The following MAST4 variants were observed in gnomAD, a reference collection of about 807,000 sequenced individuals.
The protein encoded by MAST4 is microtubule-associated serine/threonine-protein kinase 4.
Under a neutral mutation model 162.7 loss-of-function variants are expected in MAST4, and 89 were observed. That is an observed-to-expected ratio of 0.55 (90% CI 0.46 to 0.65). The LOEUF (loss-of-function observed/expected upper bound fraction) is 0.65. MAST4 is among the 30% of genes least tolerant of loss of function. MAST4 has a pLI of 0.00. For synonymous variants in MAST4, 1,479 were observed against 1,361.1 expected (o/e 1.09, Z -1.91); for missense variants, 3,153 against 3,374.0 (o/e 0.93, Z 1.62).
chr5:66,779,352 A>C (rs1754746011), intron 2 of MAST4, among the ~76,000 whole-genome samples: 1 of 135,650 alleles, frequency 7.4e-6, no homozygotes, highest in South Asian at 2.3e-4. Flanking sequence ...TAGAGTCACG[A>C]CTCTGCTTTG....
At chr5:66,821,478 A>G (rs1209054034) in intron 3 of MAST4, among the ~76,000 whole-genome samples, 1 of 152,148 alleles carries the variant, frequency 6.6e-6, no homozygotes, top group Admixed American at 6.5e-5. Context: ...GTGTCATTTT[A>G]CTTTTGAGTT....
intron 27 of MAST4, among the ~76,000 whole-genome samples, chr5:67,161,360 A>G (rs1409334165): frequency 6.6e-6 from 1 of 152,222 alleles, no homozygotes; most frequent in African/African-American, 2.4e-5. Flanking sequence ...GAACAGAATT[A>G]TGTTTCATAT....
At chr5:66,703,771 T>C (rs1749934213) in intron 1 of MAST4, among the ~76,000 whole-genome samples, 1 of 152,168 alleles carries the variant, frequency 6.6e-6, no homozygotes, top group South Asian at 2.1e-4. Flanking sequence ...ATTAAGCTAG[T>C]ATACAGGAGA....
intron 1 of MAST4, among the ~76,000 whole-genome samples, chr5:66,670,880 T>C (rs1363913192): frequency 6.6e-6 from 1 of 152,150 alleles, no homozygotes; most frequent in Non-Finnish European, 1.5e-5. Context: ...TATTTACACT[T>C]AACATAATTA....
chr5:66,799,419 C>T (rs1755808802), intron 3 of MAST4, among the ~76,000 whole-genome samples: 2 of 152,178 alleles, frequency 1.3e-5, no homozygotes, highest in Non-Finnish European at 2.9e-5. Flanking sequence ...CTTCTCTCCT[C>T]ATCCCCAAAA....
intron 4 of MAST4, among the ~76,000 whole-genome samples, chr5:66,903,955 C>G (rs1262660938): frequency 6.6e-6 from 1 of 152,214 alleles, no homozygotes; most frequent in Non-Finnish European, 1.5e-5. Flanking sequence ...GGCTGGATGG[C>G]TGGTGCCAGA....
chr5:66,965,300 A>T (rs1451348869), intron 4 of MAST4, among the ~76,000 whole-genome samples: 7 of 147,228 alleles, frequency 4.8e-5, no homozygotes, highest in Non-Finnish European at 1.0e-4. Context: ...ATCCAACTGC[A>T]AGAAATTGAA....
chr5:67,045,500 TAC>T (rs1757256076), intron 4 of MAST4, among the ~76,000 whole-genome samples: 1 of 152,232 alleles, frequency 6.6e-6, no homozygotes, highest in Non-Finnish European at 1.5e-5. Flanking sequence ...TGTACACTTA[TAC>T]ACAGTGTAAC....
At chr5:66,616,484 C>T (rs1743693478) in intron 1 of MAST4, among the ~76,000 whole-genome samples, 1 of 152,228 alleles carries the variant, frequency 6.6e-6, no homozygotes, top group Non-Finnish European at 1.5e-5. Flanking sequence ...GCTGGCTGGA[C>T]ATCTGGGGCA....
At chr5:66,956,904 T>C (rs745677383) in intron 4 of MAST4, among the ~76,000 whole-genome samples, 5 of 152,128 alleles carry the variant, frequency 3.3e-5, no homozygotes, top group Non-Finnish European at 7.4e-5. Context: ...AGATACAATG[T>C]ATTTTGGGTC....
intron 5 of MAST4, among the ~76,000 whole-genome samples, 167 bp downstream of exon 5, chr5:67,054,659 C>G (rs1181923210): frequency 1.3e-5 from 2 of 152,188 alleles, no homozygotes; most frequent in African/African-American, 4.8e-5. Context: ...ATCTTATCCT[C>G]TCTGTTTCAG....
intron 3 of MAST4, among the ~76,000 whole-genome samples, chr5:66,877,866 A>G (rs1465074813): frequency 1.3e-5 from 2 of 152,238 alleles, no homozygotes; most frequent in African/African-American, 2.4e-5. Flanking sequence ...CATGAAAAAC[A>G]TAAGCCTTTA....
At chr5:66,763,859 C>T (rs1477622666) in intron 2 of MAST4, among the ~76,000 whole-genome samples, 1 of 152,110 alleles carries the variant, frequency 6.6e-6, no homozygotes, top group East Asian at 1.9e-4. Context: ...GATGTAACCC[C>T]ACTGTAAGAT....
intron 1 of MAST4, among the ~76,000 whole-genome samples, chr5:66,601,141 A>G (rs1344569644): frequency 6.6e-6 from 1 of 152,226 alleles, no homozygotes; most frequent in East Asian, 1.9e-4. Context: ...GTTGGTTAAG[A>G]CATTAATAGC....
chr5:67,126,837 T>C (rs1768298205), intron 14 of MAST4, among the ~76,000 whole-genome samples: 7 of 152,238 alleles, frequency 4.6e-5, no homozygotes, highest in Admixed American at 3.9e-4. Context: ...CTTTGGGCAG[T>C]ATGGCCATTT....
intron 4 of MAST4, among the ~76,000 whole-genome samples, chr5:67,027,397 G>A (rs1187803220): frequency 6.6e-6 from 1 of 152,224 alleles, no homozygotes; most frequent in East Asian, 1.9e-4. Context: ...ACAGATGAAC[G>A]TAAATACACG....
chr5:66,800,073 C>A (rs187316166), intron 3 of MAST4, among the ~76,000 whole-genome samples: 2 of 152,260 alleles, frequency 1.3e-5, no homozygotes, highest in Admixed American at 6.5e-5. Flanking sequence ...ATGTACATCC[C>A]AAGTTTATGA....
chr5:66,787,564 T>C (rs1023625649), intron 2 of MAST4, among the ~76,000 whole-genome samples: 2 of 152,222 alleles, frequency 1.3e-5, no homozygotes, highest in Non-Finnish European at 2.9e-5. Context: ...GCAATCGTTA[T>C]TAACCAGTAC....
intron 1 of MAST4, among the ~76,000 whole-genome samples, chr5:66,668,552 A>G (rs1377669895): frequency 2.0e-5 from 3 of 152,312 alleles, no homozygotes; most frequent in East Asian, 1.9e-4. Context: ...CACGTATCCT[A>G]GTTAGATTTC....
Sources: gnomAD v4.1 joint callset for allele counts (sites outside exome capture counted in the v4.1 genomes callset) on GRCh38, gnomAD v4.1.1 for gene constraint, MANE v1.5 for transcripts, NCBI Gene and HGNC (gene_info 2026-07-23, HGNC 2026-07-21) for gene names.